Variants in RGS8 observed in about 807,000 individuals in gnomAD.
RGS8 encodes the protein regulator of G protein signaling 8, also known as regulator of G-protein signaling 8.
RGS8 carries 8 observed loss-of-function variants against 21.7 expected under a neutral mutation model. That is an observed-to-expected ratio of 0.37 (90% confidence interval 0.22 to 0.66). RGS8 has a LOEUF of 0.66. Ranked by LOEUF, RGS8 falls within the 30% of genes least tolerant of loss-of-function variation. The probability of loss-of-function intolerance (pLI) is 0.59; values close to 1 mark genes in which losing one functional copy is unlikely to be tolerated. For missense variants in RGS8, 157 were observed against 217.9 expected (o/e 0.72, Z 1.76); for synonymous variants, 80 against 83.6 (o/e 0.96, Z 0.24).
chr1:182,713,294 C>G, the RGS8 span, among the ~76,000 whole-genome samples: 1 of 152,144 alleles, frequency 6.6e-6, no homozygotes, highest in Non-Finnish European at 1.5e-5. Flanking sequence ...AGTGATTCTC[C>G]TGCCTCAGCC....
At chr1:182,679,960 C>T (rs1664488772) in intron 1 of RGS8, among the ~76,000 whole-genome samples, 2 of 152,112 alleles carry the variant, frequency 1.3e-5, no homozygotes, top group African/African-American at 4.8e-5. Flanking sequence ...TTTCTCTCAT[C>T]TCCTGTCGAC....
chr1:182,654,173 G>A (rs192838712), intron 5 of RGS8, among the ~76,000 whole-genome samples: 24 of 152,248 alleles, frequency 1.6e-4, no homozygotes, highest in African/African-American at 5.8e-4. Flanking sequence ...GCAAGAGCAG[G>A]GCCAAGATTC....
the RGS8 span, among the ~76,000 whole-genome samples, chr1:182,721,080 C>A: frequency 8.5e-5 from 4 of 46,800 alleles, no homozygotes; most frequent in Non-Finnish European, 9.6e-5. Flanking sequence ...TACATATATA[C>A]ACATATATAT....
chr1:182,648,990 C>T (rs892397778), intron 5 of RGS8, among the ~76,000 whole-genome samples: 7 of 151,908 alleles, frequency 4.6e-5, no homozygotes, highest in Non-Finnish European at 1.0e-4. Flanking sequence ...ATTCCAGCTA[C>T]TTGGGAAGCT....
intron 5 of RGS8, among the ~76,000 whole-genome samples, chr1:182,657,603 C>G (rs4652741): frequency 1.3e-5 from 2 of 151,608 alleles, no homozygotes; most frequent in East Asian, 3.9e-4. Context: ...TCTCTGACCC[C>G]TGAAGCTGTT....
At chr1:182,651,490 T>C (rs960913692) in intron 5 of RGS8, among the ~76,000 whole-genome samples, 26 of 152,226 alleles carry the variant, frequency 1.7e-4, no homozygotes, top group African/African-American at 6.3e-4. Context: ...ATTGCTAGCC[T>C]GGGAAAAGAT....
the RGS8 span, among the ~76,000 whole-genome samples, chr1:182,697,448 A>C: frequency 1.1e-4 from 16 of 152,248 alleles, no homozygotes; most frequent in Non-Finnish European, 1.6e-4. Context: ...TCCATGAATC[A>C]GTTCCCTTAT....
chr1:182,709,924 A>C, the RGS8 span, among the ~76,000 whole-genome samples: 1 of 152,312 alleles, frequency 6.6e-6, no homozygotes, highest in Admixed American at 6.5e-5. Context: ...ATCCAACTCT[A>C]GATTCTGGGT....
At chr1:182,700,529 G>A in the RGS8 span, among the ~76,000 whole-genome samples, 36 of 152,242 alleles carry the variant, frequency 2.4e-4, no homozygotes, top group African/African-American at 8.2e-4. Flanking sequence ...GACACCCCAG[G>A]TTCAGCCTCG....
chr1:182,740,395 T>C, the RGS8 span, among the ~76,000 whole-genome samples: 1 of 152,138 alleles, frequency 6.6e-6, no homozygotes, highest in Non-Finnish European at 1.5e-5. Context: ...CACATCTAAC[T>C]TTCAAAACAG....
At chr1:182,711,348 TCA>T in the RGS8 span, among the ~76,000 whole-genome samples, 1 of 152,214 alleles carries the variant, frequency 6.6e-6, no homozygotes, top group South Asian at 2.1e-4. Context: ...CCATTGTCTA[TCA>T]TTCTGCCATT....
At chr1:182,644,661 T>C (rs1484681432), downstream of RGS8, 6 of 152,258 alleles carry the variant, frequency 3.9e-5, no homozygotes, top group African/African-American at 9.6e-5. Flanking sequence ...CACATTTCTA[T>C]AACTCTGTGC....
At chr1:182,665,979 G>C in exon 5 of RGS8, 2 of 1,613,284 alleles carry the variant, frequency 1.2e-6, no homozygotes, top group South Asian at 1.1e-5. Context: ...ACTTATGAGA[G>C]AGAAGCACAT....
At chr1:182,729,672 T>TTA in the RGS8 span, among the ~76,000 whole-genome samples, 1 of 152,198 alleles carries the variant, frequency 6.6e-6, no homozygotes, top group Non-Finnish European at 1.5e-5. Context: ...TTATATAGAT[T>TTA]TAATACCATT....
At chr1:182,732,272 T>TACACACACACACACACACACAC in the RGS8 span, among the ~76,000 whole-genome samples, 1 of 132,588 alleles carries the variant, frequency 7.5e-6, no homozygotes, top group African/African-American at 2.7e-5. Context: ...CTCTCTCTCA[T>TACACACACACACACACACACAC]ACACACACAC....
At chr1:182,708,987 C>G in the RGS8 span, among the ~76,000 whole-genome samples, 1 of 152,224 alleles carries the variant, frequency 6.6e-6, no homozygotes, top group Admixed American at 6.5e-5. Context: ...CATCTAGGAA[C>G]AGCAGCCTGA....
At chr1:182,742,536 A>G in the RGS8 span, among the ~76,000 whole-genome samples, 1 of 152,250 alleles carries the variant, frequency 6.6e-6, no homozygotes, top group Non-Finnish European at 1.5e-5. Context: ...TAGGAGCTGG[A>G]GACCAGCCCG....
chr1:182,727,029 T>C, the RGS8 span, among the ~76,000 whole-genome samples: 2 of 152,232 alleles, frequency 1.3e-5, no homozygotes, highest in African/African-American at 4.8e-5. Flanking sequence ...CCTCCCTCTC[T>C]CATTCCAACA....
At chr1:182,670,508 TG>T (rs1664104090) in intron 2 of RGS8, among the ~76,000 whole-genome samples, 1 of 152,162 alleles carries the variant, frequency 6.6e-6, no homozygotes, top group South Asian at 2.1e-4. Context: ...TCAAACCCTT[TG>T]TTCCCACAGA....
Sources: allele counts gnomAD v4.1 joint callset (sites outside exome capture counted in the v4.1 genomes callset), GRCh38; gene constraint gnomAD v4.1.1; transcripts MANE v1.5; gene names NCBI Gene and HGNC (gene_info 2026-07-23, HGNC 2026-07-21).